Variants in TMC1 observed in about 807,000 individuals in gnomAD.
TMC1 encodes transmembrane channel like 1, also known as transmembrane channel-like protein 1.
Under a neutral mutation model 105.8 loss-of-function variants are expected in TMC1, and 84 were observed. The ratio of observed to expected loss-of-function variants is 0.79; its 90% confidence interval spans 0.67 to 0.95. The LOEUF is 0.95. Among genes scored for constraint, TMC1 ranks in the 40% least tolerant of loss-of-function variants. The pLI, the probability that TMC1 is intolerant of heterozygous loss-of-function variation, is 0.00. For missense variants in TMC1, 817 were observed against 914.1 expected (o/e 0.89, Z 1.37); for synonymous variants, 315 against 311.5 (o/e 1.01, Z -0.12).
At chr9:72,806,628 G>A (rs191623719) in intron 18 of TMC1, among the ~76,000 whole-genome samples, 9 of 151,076 alleles carry the variant, frequency 6.0e-5, no homozygotes, top group Admixed American at 3.9e-4. Flanking sequence ...AGACGGGGTC[G>A]CAGCCGGGCA....
intron 4 of TMC1, among the ~76,000 whole-genome samples, chr9:72,629,859 CTG>C (rs768425284): frequency 1.3e-5 from 2 of 151,788 alleles, no homozygotes; most frequent in Admixed American, 6.6e-5. Context: ...TTTGGGGTAT[CTG>C]TCTTTTTATT....
chr9:72,748,908 A>G (rs1378022425), intron 10 of TMC1, among the ~76,000 whole-genome samples: 1 of 152,108 alleles, frequency 6.6e-6, no homozygotes, highest in Admixed American at 6.6e-5. Flanking sequence ...GGTCTTTCCT[A>G]TAATCGTTCT....
chr9:72,703,579 T>C lies in TMC1; in HGVS notation c.362+2936T>C, dbSNP rs145602227. ...GCATTCCTTTTTCAATTTGCACCAT[T>C]CTCAAACAATCCATATTACTTGTTT... On this transcript the variant is annotated intron_variant, in intron 8 of 23. Coordinates refer to ENST00000297784, the MANE Select transcript of TMC1 (RefSeq NM_138691.3). Among the ~76,000 whole-genome samples, 205 of 152,330 alleles carry C rather than the reference T, an allele frequency of 1.3e-3. 1 individual carries two copies. The highest frequency in any genetic ancestry group is 2.5e-3 in the Non-Finnish European group (170 of 68,044).
Position 72,737,502 on chromosome 9 carries a change from G to A in TMC1, c.363-2617G>A, listed in dbSNP as rs941484482. 5.1e-4 allele frequency among the ~76,000 whole-genome samples: 77 copies of A among 152,230 alleles called. 1 individual carries two copies. The highest frequency in any genetic ancestry group is 1.8e-3 in the African/African-American group (76 of 41,530). On this transcript the variant is annotated intron_variant, in intron 8 of 23. Transcript: ENST00000297784. ...GGAAACCTGTGTCAGACCTTGCCTAGGTCTGTGTGAGTCTGAGTCAGGTTT... is the reference window on the plus strand; with the variant it reads ...GGAAACCTGTGTCAGACCTTGCCTAAGTCTGTGTGAGTCTGAGTCAGGTTT...
At chr9:72,776,839 G>T (rs1199113124) in intron 13 of TMC1, among the ~76,000 whole-genome samples, 1 of 151,682 alleles carries the variant, frequency 6.6e-6, no homozygotes, top group Non-Finnish European at 1.5e-5. Flanking sequence ...TTCTGATGTG[G>T]ATTCATCTAT....
intron 1 of TMC1, among the ~76,000 whole-genome samples, chr9:72,541,506 G>C (rs1032915690): frequency 6.6e-6 from 1 of 152,110 alleles, no homozygotes; most frequent in African/African-American, 2.4e-5. Flanking sequence ...TGACAAATAT[G>C]ATGAAACCCC....
intron 10 of TMC1, among the ~76,000 whole-genome samples, chr9:72,743,200 T>TA (rs2118026475): frequency 6.6e-6 from 1 of 151,370 alleles, no homozygotes; most frequent in East Asian, 1.9e-4. Flanking sequence ...ACCCCGTCTC[T>TA]ACTAAAAATA....
intron 5 of TMC1, among the ~76,000 whole-genome samples, chr9:72,662,408 G>A (rs1825982015): frequency 6.6e-6 from 1 of 151,182 alleles, no homozygotes; most frequent in Non-Finnish European, 1.5e-5. Context: ...TGTTGGCCAG[G>A]CTGGTCTCGA....
intron 2 of TMC1, among the ~76,000 whole-genome samples, chr9:72,583,190 C>T (rs1267092067): frequency 1.3e-5 from 2 of 152,014 alleles, no homozygotes; most frequent in Non-Finnish European, 1.5e-5. Context: ...CCACTGCACT[C>T]CAGCCTGGGT....
At chr9:72,770,934 G>T (rs1827915296) in intron 12 of TMC1, among the ~76,000 whole-genome samples, 1 of 152,138 alleles carries the variant, frequency 6.6e-6, no homozygotes, top group South Asian at 2.1e-4. Context: ...ATGCTGGGGA[G>T]GGCAATCTAC....
intron 21 of TMC1, among the ~76,000 whole-genome samples, chr9:72,827,607 A>G (rs1828976663): frequency 6.6e-6 from 1 of 152,200 alleles, no homozygotes; most frequent in African/African-American, 2.4e-5. Context: ...TTGTCAGATG[A>G]CTTTTGTTTT....
intron 1 of TMC1, among the ~76,000 whole-genome samples, chr9:72,564,095 A>C (rs1041662597): frequency 1.6e-4 from 24 of 152,158 alleles, no homozygotes; most frequent in African/African-American, 5.8e-4. Context: ...AAACTTCAAG[A>C]GTTTTACACA....
In TMC1 at chr9:72,696,493, A is replaced by T. The variant is rs528229694; in HGVS notation, c.236+1779A>T. Among the ~76,000 whole-genome samples the T allele has an allele frequency of 1.2e-3, 182 of 152,216 alleles. 1 individual carries two copies. The highest frequency in any genetic ancestry group is 4.1e-3 in the African/African-American group (171 of 41,540). On this transcript the variant is annotated intron_variant, in intron 7 of 23. Coordinates refer to ENST00000297784, the MANE Select transcript of TMC1 (RefSeq NM_138691.3). Reference sequence around the variant, plus strand: ...TTTTGAAGATAAACATCTTTTTTTTAAAAGAAAATCTTAGATAATATTTTT... The same window carrying T: ...TTTTGAAGATAAACATCTTTTTTTTTAAAGAAAATCTTAGATAATATTTTT...
chr9:72,614,274 A>C (rs1423843333), intron 2 of TMC1, among the ~76,000 whole-genome samples: 1 of 152,176 alleles, frequency 6.6e-6, no homozygotes, highest in Non-Finnish European at 1.5e-5. Context: ...GAAAGCCTGG[A>C]GTGGCCTTGA....
intron 5 of TMC1, among the ~76,000 whole-genome samples, chr9:72,659,867 T>C (rs754942323): frequency 7.2e-5 from 11 of 152,234 alleles, no homozygotes; most frequent in South Asian, 4.1e-4. Flanking sequence ...CACTCTGTTC[T>C]GCTGATGATC....
At chr9:72,744,398 C>G (rs574555010) in intron 10 of TMC1, among the ~76,000 whole-genome samples, 1 of 152,000 alleles carries the variant, frequency 6.6e-6, no homozygotes, top group East Asian at 1.9e-4. Flanking sequence ...TAAATGTCTA[C>G]CAATCTAGGA....
At chr9:72,835,033 A>G (rs899762959) in intron 23 of TMC1, among the ~76,000 whole-genome samples, 2 of 152,160 alleles carry the variant, frequency 1.3e-5, no homozygotes, top group Admixed American at 1.3e-4. Flanking sequence ...GTTAGAATTG[A>G]TAAGTCATTA....
In TMC1 at chr9:72,523,608, A is replaced by G. The variant is rs114319482; in HGVS notation, c.-428+1695A>G. 4.0e-3 allele frequency among the ~76,000 whole-genome samples: 611 copies of G among 151,920 alleles called. 2 individuals carry two copies. The highest frequency in any genetic ancestry group is 0.014 in the African/African-American group (581 of 41,228). Reference sequence around the variant, plus strand: ...AAAGCTCTTCATCCTTGTCATCTTCAAGTTGAATAGGCTGAAGGAGGAGGG... The same window carrying G: ...AAAGCTCTTCATCCTTGTCATCTTCGAGTTGAATAGGCTGAAGGAGGAGGG... On this transcript the variant is annotated intron_variant, in intron 1 of 23. Coordinates refer to ENST00000297784, the MANE Select transcript of TMC1 (RefSeq NM_138691.3).
chr9:72,823,482 C>T (rs1256510885), intron 20 of TMC1, among the ~76,000 whole-genome samples: 2 of 152,112 alleles, frequency 1.3e-5, no homozygotes, highest in Non-Finnish European at 2.9e-5. Flanking sequence ...AGTTGCTCTC[C>T]AGTGTAGGGA....
Sources: gnomAD v4.1 joint callset for allele counts (sites outside exome capture counted in the v4.1 genomes callset) on GRCh38, gnomAD v4.1.1 for gene constraint, MANE v1.5 for transcripts, NCBI Gene and HGNC (gene_info 2026-07-23, HGNC 2026-07-21) for gene names.